The following TENM4 variants were observed in gnomAD, a reference collection of about 807,000 sequenced individuals.
TENM4 encodes teneurin-4.
In TENM4, 82 loss-of-function variants were observed where a neutral mutation model predicts 243.3. The observed-to-expected ratio is 0.34, with a 90% CI of 0.28 to 0.40. TENM4 has a LOEUF of 0.40. Ranked by LOEUF, TENM4 falls within the 10% of genes least tolerant of loss-of-function variation. The probability of loss-of-function intolerance (pLI) is 1.00; values close to 1 mark genes in which losing one functional copy is unlikely to be tolerated. For missense variants in TENM4, 3,138 were observed against 3,673.3 expected (o/e 0.85, Z 3.77); for synonymous variants, 1,412 against 1,456.3 (o/e 0.97, Z 0.69).
chr11:78,989,156 A>C (rs928616412), intron 6 of TENM4, among the ~76,000 whole-genome samples: 5 of 152,226 alleles, frequency 3.3e-5, no homozygotes, highest in Non-Finnish European at 5.9e-5. Flanking sequence ...AGTCCTATTG[A>C]AGGCCAAAAA....
chr11:78,744,886 T>TTTTTGTTCAGTCTTATGA (rs1178553581), intron 19 of TENM4, among the ~76,000 whole-genome samples: 1 of 116,392 alleles, frequency 8.6e-6, no homozygotes, highest in Admixed American at 9.0e-5. Context: ...ATCTCTTAGT[T>TTTTTGTTCAGTCTTATGA]AACTTTTTGT....
intron 6 of TENM4, among the ~76,000 whole-genome samples, chr11:78,916,392 C>T (rs1341638805): frequency 6.6e-6 from 1 of 152,084 alleles, no homozygotes; most frequent in Non-Finnish European, 1.5e-5. Flanking sequence ...TTTCCTTATG[C>T]TATAGGGTCT....
At chr11:78,922,205 C>T (rs984874978) in intron 6 of TENM4, among the ~76,000 whole-genome samples, 2 of 152,066 alleles carry the variant, frequency 1.3e-5, no homozygotes, top group African/African-American at 4.8e-5. Context: ...GAAGGATGGA[C>T]AGAATTAAAT....
chr11:79,131,721 T>C (rs575636076), intron 4 of TENM4, among the ~76,000 whole-genome samples: 408 of 152,324 alleles, frequency 2.7e-3, no homozygotes, highest in Non-Finnish European at 4.7e-3. Context: ...GTAAATGGCC[T>C]AAATGCTCCA....
chr11:79,099,289 C>G (rs1861163682), intron 4 of TENM4, among the ~76,000 whole-genome samples: 1 of 152,082 alleles, frequency 6.6e-6, no homozygotes, highest in Admixed American at 6.5e-5. Flanking sequence ...TGCTCCAGAC[C>G]CTCTCTCCTT....
At chr11:79,340,614 C>G (rs1402340146) in intron 1 of TENM4, among the ~76,000 whole-genome samples, 2 of 152,180 alleles carry the variant, frequency 1.3e-5, no homozygotes, top group African/African-American at 4.8e-5. Context: ...CATTCCTTCT[C>G]TCATATCCAC....
chr11:79,393,727 G>A (rs1858283518), intron 1 of TENM4, among the ~76,000 whole-genome samples: 1 of 152,242 alleles, frequency 6.6e-6, no homozygotes, highest in Admixed American at 6.5e-5. Context: ...AAGGGACTCG[G>A]TGTGTTTCAC....
At position 78,659,561 on chromosome 11, in the gene TENM4, G is replaced by A. The variant is rs375422745; in HGVS notation, c.7552-745C>T. Among the ~76,000 whole-genome samples, 187 of 152,288 alleles carry A rather than the reference G, an allele frequency of 1.2e-3. 1 individual carries two copies. Among genetic ancestry groups the A allele is most frequent in the African/African-American group, 4.1e-3 (169 of 41,564 alleles). ...GGATGGGTGGGGGTGGTGGGATGCC[G>A]TCAGATGGAGGATTGGCAAGAAATG... is the stretch of plus-strand genomic sequence containing the variant. On this transcript the variant is annotated intron_variant, in intron 33 of 33. Transcript: ENST00000278550.
intron 12 of TENM4, among the ~76,000 whole-genome samples, chr11:78,816,425 A>G (rs1591045206): frequency 2.0e-5 from 3 of 152,226 alleles, no homozygotes; most frequent in African/African-American, 7.2e-5. Flanking sequence ...TCATGGGAAC[A>G]CTTCCCTGCC....
At chr11:78,950,423 T>TC in intron 6 of TENM4, among the ~76,000 whole-genome samples, 1 of 152,226 alleles carries the variant, frequency 6.6e-6, no homozygotes, top group African/African-American at 2.4e-5. Context: ...CTTTAGAGGT[T>TC]CCCTTAGACC....
intron 19 of TENM4, among the ~76,000 whole-genome samples, chr11:78,745,227 CTTTTT>C (rs1783943): frequency 3.9e-5 from 5 of 128,062 alleles, no homozygotes; most frequent in African/African-American, 1.5e-4. Flanking sequence ...TTTTCTTTTT[CTTTTT>C]TTTTTTTTTT....
chr11:78,792,592 G>A (rs1311487842), intron 15 of TENM4, among the ~76,000 whole-genome samples: 1 of 152,138 alleles, frequency 6.6e-6, no homozygotes, highest in Non-Finnish European at 1.5e-5. Flanking sequence ...CCCACCTGAT[G>A]GGAAGATCAA....
At chr11:78,711,786 AC>A (rs1278831348) in intron 26 of TENM4, among the ~76,000 whole-genome samples, 5 of 151,810 alleles carry the variant, frequency 3.3e-5, no homozygotes, top group Non-Finnish European at 4.4e-5. Context: ...TTGGCTCTAA[AC>A]CCCCATGAAC....
At chr11:79,343,037 G>A (rs898323044) in intron 1 of TENM4, among the ~76,000 whole-genome samples, 3 of 152,234 alleles carry the variant, frequency 2.0e-5, no homozygotes, top group Non-Finnish European at 2.9e-5. Flanking sequence ...GCCCTGAAGC[G>A]TGGTGGGCTT....
At chr11:79,387,410 T>C (rs919953418) in intron 1 of TENM4, among the ~76,000 whole-genome samples, 2 of 152,246 alleles carry the variant, frequency 1.3e-5, no homozygotes, top group Non-Finnish European at 2.9e-5. Flanking sequence ...ATAAAAAGTT[T>C]ATACACACAA....
chr11:79,200,835 A>G (rs975563976), intron 3 of TENM4, among the ~76,000 whole-genome samples: 2 of 152,228 alleles, frequency 1.3e-5, no homozygotes, highest in African/African-American at 4.8e-5. Flanking sequence ...TATGCCCTGG[A>G]AAAACTTCTA....
intron 6 of TENM4, among the ~76,000 whole-genome samples, chr11:79,054,667 T>C (rs1859895813): frequency 6.6e-6 from 1 of 152,174 alleles, no homozygotes; most frequent in African/African-American, 2.4e-5. Context: ...TTTGTTGTTG[T>C]TATTTTTAGT....
chr11:78,764,284 G>A (rs960568451), intron 18 of TENM4, among the ~76,000 whole-genome samples: 9 of 152,166 alleles, frequency 5.9e-5, no homozygotes, highest in Admixed American at 2.0e-4. Context: ...CCCTGACATC[G>A]TACCGCTAGT....
At position 78,891,220 on chromosome 11, in the gene TENM4, A is replaced by G. The variant is rs755120359; in HGVS notation, c.848+18T>C. The G allele has an allele frequency of 5.2e-6, 8 of 1,550,316 alleles. No individual in the cohort carries two copies. The South Asian group carries it at 9.5e-5, about 18-fold the overall frequency. On this transcript the variant is annotated intron_variant, in intron 8 of 33. Transcript: ENST00000278550. ...CAAGGAGAGCACACACAGAGAGGAGAATGGGGATGTCACCTACCCGTCACT... is the reference window on the plus strand; with the variant it reads ...CAAGGAGAGCACACACAGAGAGGAGGATGGGGATGTCACCTACCCGTCACT...
Sources: gnomAD v4.1 joint callset for allele counts (sites outside exome capture counted in the v4.1 genomes callset) on GRCh38, gnomAD v4.1.1 for gene constraint, MANE v1.5 for transcripts, NCBI Gene and HGNC (gene_info 2026-07-23, HGNC 2026-07-21) for gene names.